Variants in BEST3 observed in about 807,000 individuals in gnomAD.
BEST3 encodes the protein bestrophin-3.
In BEST3, 50 loss-of-function variants were observed where a neutral mutation model predicts 47.1. The ratio of observed to expected loss-of-function variants is 1.06; its 90% CI spans 0.85 to 1.34. BEST3 has a LOEUF of 1.34. Among genes scored for constraint, BEST3 ranks in the 40% most tolerant of loss-of-function variants. The pLI is 0.00. For synonymous variants in BEST3, 282 were observed against 298.8 expected (o/e 0.94, Z 0.58); for missense variants, 765 against 817.0 (o/e 0.94, Z 0.78).
chr12:69,680,895 C>T (rs558651368), intron 4 of BEST3, among the ~76,000 whole-genome samples: 3 of 151,936 alleles, frequency 2.0e-5, no homozygotes, highest in Non-Finnish European at 4.4e-5. Flanking sequence ...ATATAGAGAG[C>T]AGCAGCATTC....
At chr12:69,668,137 T>C (rs1332437708) in intron 9 of BEST3, among the ~76,000 whole-genome samples, 3 of 152,182 alleles carry the variant, frequency 2.0e-5, no homozygotes, top group East Asian at 3.8e-4. Context: ...TTCTTGCAGG[T>C]GGCCCTTGGA....
At chr12:69,689,271 T>C (rs913752996) in intron 4 of BEST3, 2 of 985,724 alleles carry the variant, frequency 2.0e-6, no homozygotes, top group African/African-American at 1.7e-5. Context: ...GAGTCAGCCC[T>C]CTCTGCTGGG....
intron 5 of BEST3, 52 bp downstream of exon 5, chr12:69,678,687 C>A: frequency 6.4e-7 from 1 of 1,560,320 alleles, no homozygotes; most frequent in South Asian, 1.1e-5. Context: ...ATATCCAGGT[C>A]CTTCTTGGTC....
At chr12:69,646,447 A>ATTT (rs35065392) in intron 9 of BEST3, among the ~76,000 whole-genome samples, 3 of 148,192 alleles carry the variant, frequency 2.0e-5, no homozygotes, top group African/African-American at 7.4e-5. Flanking sequence ...CATGCACCTA[A>ATTT]TTTTTTTTTT....
At chr12:69,645,554 C>T (rs1883005559) in intron 9 of BEST3, among the ~76,000 whole-genome samples, 1 of 152,176 alleles carries the variant, frequency 6.6e-6, no homozygotes, top group African/African-American at 2.4e-5. Flanking sequence ...GCAAACATAA[C>T]TTTCTATCCT....
rs200473792 is a variant in BEST3, at chr12:69,655,587, G to C, written c.1327C>G (p.Pro443Ala). ...TTCCAGGTGGGTGAGGCCCTGGGGG[G>C]GTTTCTTGAGGGCACATCCAGTAGG... ...RDLLDVPSRN[P>A]PRASPTWKKS... Residue 443 changes from proline to alanine, a missense_variant, in exon 10 of 10, where the codon CCC becomes GCC. Pro to Ala is a conservative substitution (Grantham distance 27). Coordinates refer to ENST00000330891, the MANE Select transcript of BEST3 (RefSeq NM_032735.3). 50 of 1,613,832 alleles carry C rather than the reference G, an allele frequency of 3.1e-5. No homozygotes were observed. In the African/African-American group the frequency reaches 4.9e-4, roughly 16 times the overall value.
intron 9 of BEST3, among the ~76,000 whole-genome samples, chr12:69,666,586 C>T (rs1279005652): frequency 6.6e-6 from 1 of 152,138 alleles, no homozygotes; most frequent in Non-Finnish European, 1.5e-5. Flanking sequence ...TACCCTTTTC[C>T]TCTGACCACC....
chr12:69,661,736 C>A (rs565620391), intron 9 of BEST3, among the ~76,000 whole-genome samples: 1 of 152,242 alleles, frequency 6.6e-6, no homozygotes, highest in African/African-American at 2.4e-5. Flanking sequence ...CTCCCTCAAC[C>A]CTCTTTCAGG....
At chr12:69,668,809 G>T (rs1379177724) in intron 9 of BEST3, among the ~76,000 whole-genome samples, 1 of 152,174 alleles carries the variant, frequency 6.6e-6, no homozygotes, top group Non-Finnish European at 1.5e-5. Context: ...GTGAGCCCGA[G>T]CCCAGTCAGT....
At chr12:69,691,610 G>A (rs1372068005) in intron 4 of BEST3, among the ~76,000 whole-genome samples, 2 of 152,056 alleles carry the variant, frequency 1.3e-5, no homozygotes, top group African/African-American at 2.4e-5. Flanking sequence ...CTGCCAACAT[G>A]GTGAAACCCT....
chr12:69,649,900 A>G (rs1443202645), downstream of BEST3, among the ~76,000 whole-genome samples: 2 of 152,212 alleles, frequency 1.3e-5, no homozygotes, highest in African/African-American at 4.8e-5. Flanking sequence ...TCTGGATACA[A>G]GATACAACAT....
intron 9 of BEST3, among the ~76,000 whole-genome samples, chr12:69,661,746 G>T (rs1455081638): frequency 6.6e-6 from 1 of 152,144 alleles, no homozygotes; most frequent in East Asian, 1.9e-4. Context: ...CCTCTTTCAG[G>T]TGGACAGTTC....
At position 69,654,593 on chromosome 12, in the gene BEST3, A is replaced by G. The variant is rs1883341935; in HGVS notation, c.*314T>C. 1.9e-6 allele frequency: 2 copies of G among 1,067,858 alleles called. No homozygotes were observed. Among genetic ancestry groups the G allele is most frequent in the Non-Finnish European group, 2.3e-6 (2 of 881,188 alleles). 66.1% of individuals were successfully genotyped at this position (1,067,858 alleles called of 1,614,324 possible). On this transcript the variant is annotated 3_prime_UTR_variant, in exon 10 of 10. Coordinates refer to ENST00000330891, the MANE Select transcript of BEST3 (RefSeq NM_032735.3). ...ATCTATGAGACTCTTTCCACAACTA[A>G]TAATCTATGAATTTATAAGTCATGT...
At chr12:69,689,235 G>A (rs1885812495) in intron 4 of BEST3, 1 of 985,468 alleles carries the variant, frequency 1.0e-6, no homozygotes, top group African/African-American at 1.7e-5. Flanking sequence ...GGAAGAACTT[G>A]GAAGCAGACC....
At chr12:69,646,860 T>G (rs558678850) in intron 9 of BEST3, among the ~76,000 whole-genome samples, 1 of 152,300 alleles carries the variant, frequency 6.6e-6, no homozygotes, top group East Asian at 1.9e-4. Flanking sequence ...TAGGGTCCAG[T>G]AAACATGTGG....
chr12:69,651,534 A>T (rs982767447), downstream of BEST3, among the ~76,000 whole-genome samples: 3 of 152,154 alleles, frequency 2.0e-5, no homozygotes, highest in Admixed American at 6.5e-5. Flanking sequence ...GCACTTTGGG[A>T]GGCCAAGATG....
At chr12:69,686,771 C>CAAAAAAACAAAAAAAAAAA (rs376779536) in intron 4 of BEST3, among the ~76,000 whole-genome samples, 1 of 49,938 alleles carries the variant, frequency 2.0e-5, no homozygotes, top group East Asian at 6.4e-4. Flanking sequence ...GATTCTGCCT[C>CAAAAAAACAAAAAAAAAAA]AAAAAAACAA....
chr12:69,689,022 C>G (rs947051439), intron 4 of BEST3: 17 of 858,118 alleles, frequency 2.0e-5, no homozygotes, highest in Non-Finnish European at 2.4e-5. Context: ...GTCCCTCGTG[C>G]CCTTAACCTT....
intron 7 of BEST3, among the ~76,000 whole-genome samples, chr12:69,675,609 T>G (rs1884862908): frequency 6.6e-6 from 1 of 152,198 alleles, no homozygotes; most frequent in Non-Finnish European, 1.5e-5. Flanking sequence ...ACTGTGGTGA[T>G]TTTATATTTA....
Sources: gnomAD v4.1 joint callset for allele counts (sites outside exome capture counted in the v4.1 genomes callset) on GRCh38, gnomAD v4.1.1 for gene constraint, MANE v1.5 for transcripts, NCBI Gene and HGNC (gene_info 2026-07-23, HGNC 2026-07-21) for gene names.